The following KSR2 variants were observed in gnomAD, a reference collection of about 807,000 sequenced individuals.
KSR2 encodes the protein kinase suppressor of ras 2.
In KSR2, 25 loss-of-function variants were observed where a neutral mutation model predicts 107.8. The observed-to-expected ratio is 0.23, with a 90% CI of 0.17 to 0.32. The LOEUF (loss-of-function observed/expected upper bound fraction) is 0.32, where lower values mean the gene tolerates loss of function less well. Ranked by LOEUF, KSR2 falls within the 10% of genes least tolerant of loss-of-function variation. The pLI, the probability that KSR2 is intolerant of heterozygous loss-of-function variation, is 1.00. For missense variants in KSR2, 887 were observed against 1,268.9 expected (o/e 0.70, Z 4.57); for synonymous variants, 480 against 507.0 (o/e 0.95, Z 0.71).
At chr12:117,488,522 T>G (rs1872589551) in intron 14 of KSR2, among the ~76,000 whole-genome samples, 2 of 152,082 alleles carry the variant, frequency 1.3e-5, no homozygotes, top group Non-Finnish European at 2.9e-5. Context: ...GCCTCATGAA[T>G]GGGATTAGTG....
intron 1 of KSR2, among the ~76,000 whole-genome samples, chr12:117,942,493 C>CTT (rs201100401): frequency 0.012 from 1,617 of 138,252 alleles, 32 homozygotes; most frequent in African/African-American, 0.034. Flanking sequence ...CTTTTTTTTT[C>CTT]TTTTTTTTTT....
intron 4 of KSR2, among the ~76,000 whole-genome samples, chr12:117,697,023 C>T (rs748043908): frequency 6.6e-6 from 1 of 152,142 alleles, no homozygotes; most frequent in African/African-American, 2.4e-5. Context: ...ATCCAGAGTT[C>T]AGAGCACATT....
intron 1 of KSR2, among the ~76,000 whole-genome samples, chr12:117,884,813 A>G (rs904636470): frequency 6.6e-6 from 1 of 152,070 alleles, no homozygotes; most frequent in Non-Finnish European, 1.5e-5. Flanking sequence ...GGAAGGAGGC[A>G]CTAGAATTCA....
intron 4 of KSR2, among the ~76,000 whole-genome samples, chr12:117,727,967 T>C (rs1887504242): frequency 6.6e-6 from 1 of 152,100 alleles, no homozygotes; most frequent in Non-Finnish European, 1.5e-5. Context: ...TACAAAAGGG[T>C]ACACACTATA....
chr12:117,499,288 A>C (rs1168007515), intron 14 of KSR2, among the ~76,000 whole-genome samples: 3 of 152,236 alleles, frequency 2.0e-5, no homozygotes, highest in African/African-American at 7.2e-5. Context: ...GTGTTAGCAG[A>C]GCTATCTCTG....
At chr12:117,671,049 CCA>C (rs1565953674) in intron 4 of KSR2, among the ~76,000 whole-genome samples, 1 of 152,126 alleles carries the variant, frequency 6.6e-6, no homozygotes, top group Non-Finnish European at 1.5e-5. Flanking sequence ...CAATATCTAC[CCA>C]CACACACACC....
chr12:117,690,748 T>C (rs1041249859), intron 4 of KSR2, among the ~76,000 whole-genome samples: 1 of 152,210 alleles, frequency 6.6e-6, no homozygotes, highest in African/African-American at 2.4e-5. Flanking sequence ...GTTAATTAAA[T>C]GGCAGTGACC....
At chr12:117,563,599 G>A (rs1279834121) in intron 7 of KSR2, among the ~76,000 whole-genome samples, 2 of 152,150 alleles carry the variant, frequency 1.3e-5, no homozygotes, top group African/African-American at 4.8e-5. Context: ...AGCAGCGGCA[G>A]GTGCTATCTT....
chr12:117,524,801 C>A, intron 14 of KSR2, 51 bp downstream of exon 14: 1 of 1,546,668 alleles, frequency 6.5e-7, no homozygotes, highest in Non-Finnish European at 8.7e-7. Flanking sequence ...CTCAACCATG[C>A]CAGAAGCAGA....
chr12:117,792,919 C>G (rs1281743272), intron 3 of KSR2, among the ~76,000 whole-genome samples: 1 of 150,856 alleles, frequency 6.6e-6, no homozygotes, highest in African/African-American at 2.4e-5. Flanking sequence ...AACATGCACA[C>G]ACCCTCACAC....
intron 5 of KSR2, among the ~76,000 whole-genome samples, chr12:117,638,549 C>T (rs7302207): frequency 0.16 from 24,980 of 151,562 alleles, 2,148 homozygotes; most frequent in Middle Eastern, 0.24. Context: ...ATGTGAAATA[C>T]GATCTCATTT....
At chr12:117,788,578 G>A (rs4766873) in intron 3 of KSR2, among the ~76,000 whole-genome samples, 5 of 151,944 alleles carry the variant, frequency 3.3e-5, no homozygotes, top group Non-Finnish European at 7.4e-5. Context: ...CTCAGCTCAC[G>A]GCAACCTCTG....
intron 3 of KSR2, among the ~76,000 whole-genome samples, chr12:117,814,678 G>C (rs561289652): frequency 1.3e-5 from 2 of 152,130 alleles, no homozygotes; most frequent in African/African-American, 2.4e-5. Flanking sequence ...GAGAGCACTC[G>C]GGAGGCGTCT....
In KSR2 at chr12:117,887,713, G is replaced by A. The variant is rs184982753; in HGVS notation, c.181-27282C>T. ...CTCATCAGCAGTATCAAGGGCCCTGGTAGGGTTGAGATGGCTGTGGCATTT... is the reference window on the plus strand; with the variant it reads ...CTCATCAGCAGTATCAAGGGCCCTGATAGGGTTGAGATGGCTGTGGCATTT... On this transcript the variant is annotated intron_variant, in intron 1 of 19. Coordinates refer to ENST00000339824, the MANE Select transcript of KSR2 (RefSeq NM_173598.6). Among the ~76,000 whole-genome samples the A allele has an allele frequency of 6.6e-5, 10 of 152,296 alleles. No individual in the cohort carries two copies. The East Asian group carries it at 1.5e-3, about 24-fold the overall frequency.
At chr12:117,724,044 C>T (rs1008622362) in intron 4 of KSR2, among the ~76,000 whole-genome samples, 5 of 151,956 alleles carry the variant, frequency 3.3e-5, no homozygotes, top group African/African-American at 4.8e-5. Flanking sequence ...TAGTGGCTCA[C>T]GCCTGTAATC....
intron 3 of KSR2, among the ~76,000 whole-genome samples, chr12:117,808,260 G>C (rs7960031): frequency 6.6e-6 from 1 of 151,964 alleles, no homozygotes; most frequent in Non-Finnish European, 1.5e-5. Context: ...AACCACAGAC[G>C]CAGAGCCCAG....
intron 3 of KSR2, among the ~76,000 whole-genome samples, chr12:117,815,255 G>A (rs1277620575): frequency 1.3e-5 from 2 of 152,040 alleles, no homozygotes; most frequent in Non-Finnish European, 2.9e-5. Flanking sequence ...GATTGCAATC[G>A]ACCTCAATGC....
At chr12:117,476,745 C>G in intron 16 of KSR2, 150 bp from the exon 17 acceptor site, 1 of 742,788 alleles carries the variant, frequency 1.3e-6, no homozygotes, top group Non-Finnish European at 2.0e-6. Context: ...GAGGCCGAGA[C>G]CCAGTAGTAG....
At chr12:117,660,340 G>T (rs1259559750) in intron 5 of KSR2, among the ~76,000 whole-genome samples, 1 of 152,188 alleles carries the variant, frequency 6.6e-6, no homozygotes, top group Admixed American at 6.5e-5. Flanking sequence ...TTCAAAGCAG[G>T]GTTGGTTCTT....
Sources: gnomAD v4.1 joint callset for allele counts (sites outside exome capture counted in the v4.1 genomes callset) on GRCh38, gnomAD v4.1.1 for gene constraint, MANE v1.5 for transcripts, NCBI Gene and HGNC (gene_info 2026-07-23, HGNC 2026-07-21) for gene names.